Variants in CTC1 observed in about 807,000 individuals in gnomAD.
The protein encoded by CTC1 is CST complex subunit CTC1.
A neutral mutation model predicts 136.3 loss-of-function variants in CTC1; 91 were observed. The observed-to-expected ratio is 0.67, with a 90% CI of 0.56 to 0.79. The LOEUF (loss-of-function observed/expected upper bound fraction) is 0.79, where lower values mean the gene tolerates loss of function less well. Among genes scored for constraint, CTC1 ranks in the 30% least tolerant of loss-of-function variants. The pLI, the probability that CTC1 is intolerant of heterozygous loss-of-function variation, is 0.00. For synonymous variants in CTC1, 606 were observed against 613.8 expected (o/e 0.99, Z 0.19); for missense variants, 1,432 against 1,498.1 (o/e 0.96, Z 0.73).
At position 8,236,195 on chromosome 17, in the gene CTC1, A is replaced by G. The variant is rs1225418734; in HGVS notation, c.940T>C (p.Cys314Arg). ...AGCTCCAGTTCCAGCTCCTGCACACATTCTGGTTTCAGCAGCAACAGACGG... is the reference window on the plus strand; with the variant it reads ...AGCTCCAGTTCCAGCTCCTGCACACGTTCTGGTTTCAGCAGCAACAGACGG... Reference protein sequence around the residue: ...SSRLLLLKPECVQELELELEG... With the variant: ...SSRLLLLKPERVQELELELEG... The change falls in exon 6 of 23, where the codon TGT becomes CGT. Residue 314 changes from cysteine to arginine, a missense_variant. Cys to Arg is a radical substitution (Grantham distance 180). Transcript: ENST00000651323. The G allele has an allele frequency of 1.2e-6, 2 of 1,614,144 alleles. No individual in the cohort carries two copies. The highest frequency in any genetic ancestry group is 1.1e-5 in the South Asian group (1 of 91,082).
intron 7 of CTC1, 30 bp downstream of exon 7, chr17:8,235,801 C>T (rs759090673): frequency 1.3e-6 from 2 of 1,564,972 alleles, no homozygotes; most frequent in Non-Finnish European, 1.7e-6. Flanking sequence ...GCAGAGGTCT[C>T]TTTTTGTTAT....
Position 8,228,215 on chromosome 17 carries a change from A to C in CTC1, c.3619T>G (p.Ser1207Ala). Reference protein sequence around the residue: ...SCLSIRESEYSSSLGILASSC With the variant: ...SCLSIRESEYASSLGILASSC The stretch of plus-strand genomic sequence containing the variant: ...GAAGCAAGGATCCCCAGAGAGCTGG[A>C]GTACTCTGACTCTCGGATAGAAAGG... Residue 1207 changes from serine to alanine, a missense_variant, in exon 23 of 23, where the codon TCC (serine) becomes GCC (alanine). Coordinates refer to ENST00000651323, the MANE Select transcript of CTC1 (RefSeq NM_025099.6). 2 of 1,614,118 alleles carry C rather than the reference A, an allele frequency of 1.2e-6. No individual in the cohort carries two copies. The highest frequency in any genetic ancestry group is 1.7e-6 in the Non-Finnish European group (2 of 1,179,976).
chr17:8,231,217 G>T, intron 15 of CTC1, 59 bp downstream of exon 15: 1 of 1,349,556 alleles, frequency 7.4e-7, no homozygotes, highest in Non-Finnish European at 1.0e-6. Flanking sequence ...ACCAAACCCA[G>T]CTAGCTTGGG....
At chr17:8,242,523 A>G (rs1303401263) in intron 2 of CTC1, among the ~76,000 whole-genome samples, 2 of 117,318 alleles carry the variant, frequency 1.7e-5, no homozygotes, top group Non-Finnish European at 3.4e-5. Context: ...TGGAAATGAT[A>G]GTGTAGAGAG....
chr17:8,233,072 A>T, intron 10 of CTC1, 40 bp from the exon 11 acceptor site: 1 of 1,607,632 alleles, frequency 6.2e-7, no homozygotes, highest in Non-Finnish European at 8.5e-7. Context: ...ATGTTTATTC[A>T]GCAAATACTG....
rs765650487 is a variant in CTC1, at chr17:8,230,654, G to A, written c.2670-3C>T. ...AAGACACCAAGGAATCTGTGAAACTGGAAGGTCAGGGAAATACACTGAGAA... is the reference window on the plus strand; with the variant it reads ...AAGACACCAAGGAATCTGTGAAACTAGAAGGTCAGGGAAATACACTGAGAA... On this transcript the variant is annotated splice_polypyrimidine_tract_variant and splice_region_variant and intron_variant, in intron 15 of 22. Coordinates refer to ENST00000651323, the MANE Select transcript of CTC1 (RefSeq NM_025099.6). 8 of 1,613,288 alleles carry A rather than the reference G, an allele frequency of 5.0e-6. No individual in the cohort carries two copies. In the Admixed American group the frequency reaches 5.0e-5, roughly 10 times the overall value.
In CTC1 at chr17:8,225,801, A is replaced by G. The variant is rs926153127; in HGVS notation, c.*2379T>C. On this transcript the variant is annotated 3_prime_UTR_variant, in exon 23 of 23. Coordinates refer to ENST00000651323, the MANE Select transcript of CTC1 (RefSeq NM_025099.6). ...AGCTGTGCCAAATTTTAAATACTGTATATTTAAATATATATTTTTATATTA... is the reference window on the plus strand; with the variant it reads ...AGCTGTGCCAAATTTTAAATACTGTGTATTTAAATATATATTTTTATATTA... 1.3e-5 allele frequency: 2 copies of G among 151,002 alleles called. No individual in the cohort carries two copies. The highest frequency in any genetic ancestry group is 4.8e-5 in the African/African-American group (2 of 41,238). 9.4% of individuals were successfully genotyped at this position (151,002 alleles called of 1,614,324 possible). A position where few individuals can be genotyped will look rare whatever the true frequency, so the allele number is the denominator to read the frequency against.
rs146194728 is a variant in CTC1 at position 8,227,121 on chromosome 17, A to G, written c.*1059T>C. ...TATAGGGTATTGCTACCATAAAAGC[A>G]GCATAAATCCCAACATATGGGTTTA... On this transcript the variant is annotated 3_prime_UTR_variant, in exon 23 of 23. Coordinates refer to ENST00000651323, the MANE Select transcript of CTC1 (RefSeq NM_025099.6). The G allele has an allele frequency of 6.6e-6, 1 of 152,056 alleles. No homozygotes were observed. The highest frequency in any genetic ancestry group is 2.4e-5 in the African/African-American group (1 of 41,296). The allele number at this position is 152,056 out of a possible 1,614,324, so 9.4% of individuals were successfully genotyped here.
chr17:8,236,447 G>C, intron 5 of CTC1, 105 bp from the exon 6 acceptor site: 1 of 1,192,982 alleles, frequency 8.4e-7, no homozygotes, highest in Non-Finnish European at 1.2e-6. Flanking sequence ...TGCCCTCTGT[G>C]AGTCTCAACT....
intron 10 of CTC1, among the ~76,000 whole-genome samples, 171 bp downstream of exon 10, chr17:8,234,284 T>C (rs564033670): frequency 6.6e-6 from 1 of 152,330 alleles, no homozygotes; most frequent in East Asian, 1.9e-4. Context: ...ATATCCCCAT[T>C]TCTAGTTGCT....
chr17:8,230,213 G>A, intron 17 of CTC1, 81 bp downstream of exon 17: 1 of 1,409,408 alleles, frequency 7.1e-7, no homozygotes. Flanking sequence ...AGGGGTCGCT[G>A]CAGCAAAGTT....
intron 12 of CTC1, 47 bp downstream of exon 12, chr17:8,232,314 C>T (rs1464998710): frequency 6.3e-7 from 1 of 1,589,098 alleles, no homozygotes; most frequent in Admixed American, 1.8e-5. Context: ...CCACCAGGCC[C>T]TTCCTTCCCC....
Position 8,228,518 on chromosome 17 carries a change from TC to T in CTC1, c.3498del (p.Lys1167ArgfsTer5). 6.2e-7 allele frequency: 1 copy of T among 1,614,134 alleles called. No individual in the cohort carries two copies. The highest frequency in any genetic ancestry group is 1.3e-5 in the African/African-American group (1 of 75,026). On this transcript the variant is annotated frameshift_variant, in exon 22 of 23. Transcript: ENST00000651323. LOFTEE classifies it low-confidence loss of function (END_TRUNC). ...VLSFELERKP[S>X]KIVPLEPPRL... ...CCAACCTTACCTAATGGGACGATCT[TC>T]GACGGTTTCCTTTCCAGCTCAAAAG...
In CTC1 at chr17:8,234,598, C is replaced by T; in HGVS notation, c.1675G>A (p.Gly559Arg). ...AAGGAGGCCCAGGCCTTACGCTGTCCTTCTTCTTTCAGGGTGGCCAGAGTG... is the reference window on the plus strand; with the variant it reads ...AAGGAGGCCCAGGCCTTACGCTGTCTTTCTTCTTTCAGGGTGGCCAGAGTG... ...FPTLATLKEEGQRKAWASFDP... is the reference protein window; with the variant it reads ...FPTLATLKEERQRKAWASFDP... The change falls in exon 10 of 23, where the codon GGA (glycine) becomes AGA (arginine). Residue 559 changes from glycine (G) to arginine (R), a missense_variant. Gly to Arg is a moderately radical substitution (Grantham distance 125, BLOSUM62 -2). Coordinates refer to ENST00000651323, the MANE Select transcript of CTC1 (RefSeq NM_025099.6). 3 of 1,611,800 alleles carry T rather than the reference C, an allele frequency of 1.9e-6. No individual in the cohort carries two copies. The highest frequency in any genetic ancestry group is 2.5e-6 in the Non-Finnish European group (3 of 1,178,998).
chr17:8,242,884 A>T, intron 2 of CTC1, 101 bp downstream of exon 2: 1 of 1,034,604 alleles, frequency 9.7e-7, no homozygotes. Flanking sequence ...TCCTCCGCTC[A>T]CTCTCTCACT....
intron 2 of CTC1, among the ~76,000 whole-genome samples, chr17:8,239,318 G>C (rs1240705820): frequency 6.6e-6 from 1 of 151,998 alleles, no homozygotes; most frequent in Admixed American, 6.6e-5. Flanking sequence ...AGAACTTAAT[G>C]GGACCACGTA....
At position 8,232,321 on chromosome 17, in the gene CTC1, C is replaced by A. The variant is rs756999999; in HGVS notation, c.2060+40G>T. ...CACTCCTTCCACCAGGCCCTTCCTT[C>A]CCCCCAGACTCAAGACAACCATGAC... On this transcript the variant is annotated intron_variant, in intron 12 of 22. Coordinates refer to ENST00000651323, the MANE Select transcript of CTC1 (RefSeq NM_025099.6). 3 of 1,585,836 alleles carry A rather than the reference C, an allele frequency of 1.9e-6. No individual in the cohort carries two copies. The South Asian group carries it at 3.4e-5, about 18-fold the overall frequency.
Position 8,236,436 on chromosome 17 carries a change from C to A in CTC1, c.793-94G>T. The A allele has an allele frequency of 3.0e-6, 4 of 1,341,742 alleles. No homozygotes were observed. The South Asian group carries it at 5.6e-5, about 19-fold the overall frequency. 83.1% of individuals were successfully genotyped at this position (1,341,742 alleles called of 1,614,324 possible). On this transcript the variant is annotated intron_variant, in intron 5 of 22. Coordinates refer to ENST00000651323, the MANE Select transcript of CTC1 (RefSeq NM_025099.6). ...TCCCTCACGATTTGAACTCAGAGAC[C>A]TGCCCTCTGTGAGTCTCAACTCACC...
At chr17:8,235,446 C>T in intron 7 of CTC1, 161 bp from the exon 8 acceptor site, 1 of 622,254 alleles carries the variant, frequency 1.6e-6, no homozygotes, top group Non-Finnish European at 2.8e-6. Flanking sequence ...CCCACTCCCG[C>T]TGCGGTCAGC....
Sources: allele counts gnomAD v4.1 joint callset (sites outside exome capture counted in the v4.1 genomes callset), GRCh38; gene constraint gnomAD v4.1.1; transcripts MANE v1.5; gene names NCBI Gene and HGNC (gene_info 2026-07-23, HGNC 2026-07-21).